PTPRK: variants seen among roughly 807,000 people sequenced by gnomAD.
PTPRK encodes protein tyrosine phosphatase receptor type K.
In PTPRK, 75 loss-of-function variants were observed where a neutral mutation model predicts 178.0. The ratio of observed to expected loss-of-function variants is 0.42; its 90% CI spans 0.35 to 0.51. PTPRK has a LOEUF of 0.51. Among genes scored for constraint, PTPRK ranks in the 20% least tolerant of loss-of-function variants. PTPRK has a pLI of 0.02. For missense variants in PTPRK, 1,441 were observed against 1,797.8 expected (o/e 0.80, Z 3.59); for synonymous variants, 637 against 620.6 (o/e 1.03, Z -0.39).
chr6:127,974,215 A>G (rs1167041454), intron 27 of PTPRK, among the ~76,000 whole-genome samples: 1 of 152,166 alleles, frequency 6.6e-6, no homozygotes, highest in Non-Finnish European at 1.5e-5. Flanking sequence ...TTCTTACTAT[A>G]GGCATCATGA....
At chr6:128,423,755 G>A (rs947673814) in intron 1 of PTPRK, among the ~76,000 whole-genome samples, 2 of 152,068 alleles carry the variant, frequency 1.3e-5, no homozygotes, top group African/African-American at 2.4e-5. Context: ...TTGAACATAG[G>A]AGGCAGAGGC....
At chr6:128,100,541 A>T (rs114333216) in intron 7 of PTPRK, among the ~76,000 whole-genome samples, 2,145 of 152,060 alleles carry the variant, frequency 0.014, 55 homozygotes, top group African/African-American at 0.049. Context: ...GGGGAGCCTA[A>T]TATTTTCCAG....
chr6:128,068,406 T>C (rs369155889), intron 11 of PTPRK, among the ~76,000 whole-genome samples: 2 of 152,180 alleles, frequency 1.3e-5, no homozygotes, highest in African/African-American at 2.4e-5. Context: ...ACAACCGAAA[T>C]AGACCGCCTC....
At chr6:128,186,171 G>A (rs1233602768) in intron 6 of PTPRK, among the ~76,000 whole-genome samples, 2 of 152,090 alleles carry the variant, frequency 1.3e-5, no homozygotes, top group Non-Finnish European at 2.9e-5. Flanking sequence ...AACATTGTAG[G>A]GGAGACATAG....
chr6:128,046,173 GCTATAGT>G (rs1778002639), intron 13 of PTPRK, among the ~76,000 whole-genome samples: 1 of 151,982 alleles, frequency 6.6e-6, no homozygotes, highest in Non-Finnish European at 1.5e-5. Context: ...TTTCCCTCAG[GCTATAGT>G]CTATTACTCT....
chr6:128,078,892 C>A lies in PTPRK; in HGVS notation c.1804G>T (p.Val602Phe). The change falls in exon 11 of 30, where the codon GTT (valine) becomes TTT (phenylalanine). Residue 602 changes from valine to phenylalanine, a missense_variant. Physicochemically the swap from Val to Phe is conservative, Grantham distance 50. Around this residue, in one of 4 missense-constraint regions of PTPRK, gnomAD observed 945 missense variants for 1,080.6 expected, o/e 0.87. Transcript: ENST00000368226. ...GCAGTTTCATTGAGAGAGGCATCAACTCCTTCATAGTCAGGTAAAGTTGGA... is the reference window on the plus strand; with the variant it reads ...GCAGTTTCATTGAGAGAGGCATCAAATCCTTCATAGTCAGGTAAAGTTGGA... ...SAPTLPDYEG[V>F]DASLNETATT... is the part of the protein sequence containing the mutation. 6.2e-7 allele frequency: 1 copy of A among 1,611,788 alleles called. No individual in the cohort carries two copies. Among genetic ancestry groups the A allele is most frequent in the South Asian group, 1.1e-5 (1 of 91,004 alleles).
At chr6:127,973,581 G>T in intron 28 of PTPRK, 83 bp downstream of exon 28, 1 of 1,515,166 alleles carries the variant, frequency 6.6e-7, no homozygotes, top group Non-Finnish European at 9.0e-7. Flanking sequence ...TCCATAAGAT[G>T]CAAGCCAGAT....
rs1386628604 is a variant in PTPRK at position 127,981,230 on chromosome 6, T to C, written c.3597A>G (p.Pro1199=). Reference sequence around the variant, plus strand: ...TGAAACGGTTCTTGTCATGGTTCCTTGGCAGGCACGCTATACTGCAGTCTT... The same window carrying C: ...TGAAACGGTTCTTGTCATGGTTCCTCGGCAGGCACGCTATACTGCAGTCTT... ...QAEDCSIACL[P]RNHDKNRFMD... The change falls in exon 25 of 30, where the codon CCA becomes CCG. Residue 1199 remains proline, a synonymous_variant. Coordinates refer to ENST00000368226, the MANE Select transcript of PTPRK (RefSeq NM_002844.4). 3.7e-6 allele frequency: 6 copies of C among 1,613,954 alleles called. No individual in the cohort carries two copies. Among genetic ancestry groups the C allele is most frequent in the East Asian group, 2.2e-5 (1 of 44,818 alleles).
At position 128,464,638 on chromosome 6, in the gene PTPRK, C is replaced by CACATATATAT. The variant is rs1164450520; in HGVS notation, c.100+55620_100+55621insATATATATGT. Among the ~76,000 whole-genome samples the CACATATATAT allele has an allele frequency of 5.0e-3, 243 of 48,596 alleles. 9 individuals are homozygous for CACATATATAT. Among genetic ancestry groups the CACATATATAT allele is most frequent in the African/African-American group, 0.014 (148 of 10,584 alleles). 31.9% of individuals were successfully genotyped at this position (48,596 alleles called of 152,430 possible). A position where few individuals can be genotyped will look rare whatever the true frequency, so the allele number is the denominator to read the frequency against. ...ACATATACATATATATATATATACA[C>CACATATATAT]ATATATATATATATATATATATATA... On this transcript the variant is annotated intron_variant, in intron 1 of 29. Coordinates refer to ENST00000368226, the MANE Select transcript of PTPRK (RefSeq NM_002844.4).
intron 1 of PTPRK, among the ~76,000 whole-genome samples, chr6:128,445,668 G>A (rs1281422928): frequency 6.6e-6 from 1 of 151,918 alleles, no homozygotes; most frequent in Non-Finnish European, 1.5e-5. Context: ...TTATATATTT[G>A]ATTTTTTTAA....
chr6:128,328,645 T>C (rs1048916652), intron 2 of PTPRK, among the ~76,000 whole-genome samples: 4 of 152,138 alleles, frequency 2.6e-5, no homozygotes, highest in Admixed American at 2.6e-4. Flanking sequence ...GGTTCTCAAA[T>C]GTTTTAGTCT....
chr6:128,046,517 C>T (rs1044514569), intron 13 of PTPRK, among the ~76,000 whole-genome samples: 8 of 152,108 alleles, frequency 5.3e-5, no homozygotes. Context: ...ACAGTTGATC[C>T]TAACTTCCAT....
intron 7 of PTPRK, among the ~76,000 whole-genome samples, chr6:128,096,677 A>G (rs1787962549): frequency 6.6e-6 from 1 of 152,216 alleles, no homozygotes; most frequent in South Asian, 2.1e-4. Flanking sequence ...AGAACGCTGA[A>G]GCATGACAGG....
chr6:127,991,418 T>C, intron 19 of PTPRK, 27 bp from the exon 20 acceptor site: 1 of 1,518,568 alleles, frequency 6.6e-7, no homozygotes, highest in South Asian at 1.3e-5. Flanking sequence ...TTGAATATTA[T>C]GTTATCAAAG....
rs1436663172 is a variant in PTPRK at position 128,300,528 on chromosome 6, C to T, written c.495+21511G>A. On this transcript the variant is annotated intron_variant, in intron 3 of 29. Transcript: ENST00000368226. ...AAAATGTGGCACATATACTATGCAG[C>T]CATAAAAAATGATGAGTTCATGTCC... 5.3e-5 allele frequency among the ~76,000 whole-genome samples: 8 copies of T among 151,412 alleles called. No individual in the cohort carries two copies. The South Asian group carries it at 8.3e-4, about 16-fold the overall frequency.
intron 29 of PTPRK, among the ~76,000 whole-genome samples, chr6:127,972,364 T>G (rs1187093492): frequency 1.3e-5 from 2 of 152,218 alleles, no homozygotes; most frequent in Non-Finnish European, 2.9e-5. Flanking sequence ...TATCTCTCGT[T>G]AGAAGTAAAA....
Position 128,519,750 on chromosome 6 carries a change from A to T in PTPRK, c.100+509T>A, listed in dbSNP as rs1229862993. On this transcript the variant is annotated intron_variant, in intron 1 of 29. Transcript: ENST00000368226. This position sits in a 1 kb window ranked among gnomAD's most constrained non-coding sequence, Gnocchi z 4.3. ...AGGAGAAAAGGGGACTCCGGGAGGG[A>T]CGGGGAAGTAGTTAGACAATAGTCA... is the stretch of plus-strand genomic sequence containing the variant. Among the ~76,000 whole-genome samples, 1 of 152,302 alleles carries T rather than the reference A, an allele frequency of 6.6e-6. No individual in the cohort carries two copies. Among genetic ancestry groups the T allele is most frequent in the South Asian group, 2.1e-4 (1 of 4,830 alleles).
chr6:128,498,330 T>A lies in PTPRK; in HGVS notation c.100+21929A>T, dbSNP rs570709288. ...AGAATCTACATTTGGAATATTTATT[T>A]AAGAAACCTCATTACTTGGAAGAAT... On this transcript the variant is annotated intron_variant, in intron 1 of 29. Coordinates refer to ENST00000368226, the MANE Select transcript of PTPRK (RefSeq NM_002844.4). Among the ~76,000 whole-genome samples, 4 of 152,348 alleles carry A rather than the reference T, an allele frequency of 2.6e-5. No individual in the cohort carries two copies. In the South Asian group the frequency reaches 8.3e-4, roughly 32 times the overall value.
intron 2 of PTPRK, among the ~76,000 whole-genome samples, chr6:128,360,170 T>C (rs1834536083): frequency 6.6e-6 from 1 of 152,180 alleles, no homozygotes; most frequent in East Asian, 1.9e-4. Flanking sequence ...TAAGAGATCA[T>C]TTCATAAAAT....
Sources: gnomAD v4.1 joint callset for allele counts (sites outside exome capture counted in the v4.1 genomes callset) on GRCh38, gnomAD v4.1.1 for gene constraint, gnomAD v4.1.1 regional missense constraint, Gnocchi (gnomAD v3.1) non-coding constraint, MANE v1.5 for transcripts, NCBI Gene and HGNC (gene_info 2026-07-23, HGNC 2026-07-21) for gene names.